The following DOCK1 variants were observed in gnomAD, a reference collection of about 807,000 sequenced individuals.
DOCK1 encodes dedicator of cytokinesis 1.
In DOCK1, 138 loss-of-function variants were observed where a neutral mutation model predicts 262.7. The ratio of observed to expected loss-of-function variants is 0.53; its 90% CI spans 0.46 to 0.61. The LOEUF (loss-of-function observed/expected upper bound fraction) is 0.61. DOCK1 is among the 20% of genes least tolerant of loss of function. DOCK1 has a pLI of 0.00. For missense variants in DOCK1, 1,908 were observed against 2,370.7 expected, an observed-to-expected ratio of 0.80 and a Z score of 4.05; for synonymous variants, 866 against 867.4, an observed-to-expected ratio of 1.00 and a Z score of 0.03.
chr10:127,296,798 TGTG>T (rs2061520501), intron 29 of DOCK1, among the ~76,000 whole-genome samples: 1 of 151,934 alleles, frequency 6.6e-6, no homozygotes, highest in South Asian at 2.1e-4. Flanking sequence ...TCTTCACAGT[TGTG>T]GGGGAGGCTT....
chr10:127,452,348 A>G lies in DOCK1; in HGVS notation c.*921A>G, dbSNP rs2071018437. On this transcript the variant is annotated 3_prime_UTR_variant, in exon 52 of 52. Coordinates refer to ENST00000623213, the MANE Select transcript of DOCK1 (RefSeq NM_001290223.2). ...CACACATTTTTTTTTTGAGAACTCC[A>G]AAGTCCTGAAAATTTTGGTGGACAA... is the stretch of plus-strand genomic sequence containing the variant. 1 of 152,542 alleles carries G rather than the reference A, an allele frequency of 6.6e-6. No homozygotes were observed. The highest frequency in any genetic ancestry group is 1.5e-5 in the Non-Finnish European group (1 of 68,008). 9.4% of individuals were successfully genotyped at this position (152,542 alleles called of 1,614,324 possible).
In DOCK1 at chr10:127,175,797, T is replaced by C. The variant is rs1381381407; in HGVS notation, c.2847+48033T>C. 27 of 1,614,088 alleles carry C rather than the reference T, an allele frequency of 1.7e-5. No homozygotes were observed. Among genetic ancestry groups the C allele is most frequent in the East Asian group, 2.2e-5 (1 of 44,850 alleles). Reference sequence around the variant, plus strand: ...CGCAGCTTCTCCATAGCTGAGCGGCTCCGGGCTTTTACAGGGCTCTGTGCA... The same window carrying C: ...CGCAGCTTCTCCATAGCTGAGCGGCCCCGGGCTTTTACAGGGCTCTGTGCA... On this transcript the variant is annotated intron_variant, in intron 27 of 51. Transcript: ENST00000623213. This position sits in a 1 kb window ranked among gnomAD's most constrained non-coding sequence, Gnocchi z 6.3.
At chr10:127,321,201 A>C (rs1232827494) in intron 29 of DOCK1, among the ~76,000 whole-genome samples, 72 of 122,832 alleles carry the variant, frequency 5.9e-4, no homozygotes, top group Middle Eastern at 4.7e-3. Flanking sequence ...CTCTCGCTCT[A>C]TCTCTCTCCC....
intron 27 of DOCK1, among the ~76,000 whole-genome samples, chr10:127,141,601 G>A (rs569615057): frequency 7.2e-5 from 11 of 152,218 alleles, no homozygotes; most frequent in African/African-American, 2.6e-4. Flanking sequence ...TACTCGGGAG[G>A]TGGAGGTTGC....
chr10:127,158,764 G>A lies in DOCK1; in HGVS notation c.2847+31000G>A, dbSNP rs573048294. Reference sequence around the variant, plus strand: ...GATAAGCATGTTCATTGTAGATATGGATTTTGTGGCATTCACTATGTATCG... The same window carrying A: ...GATAAGCATGTTCATTGTAGATATGAATTTTGTGGCATTCACTATGTATCG... On this transcript the variant is annotated intron_variant, in intron 27 of 51. Transcript: ENST00000623213. Among the ~76,000 whole-genome samples the A allele has an allele frequency of 8.5e-5, 13 of 152,310 alleles. No homozygotes were observed. The South Asian group carries it at 2.5e-3, about 29-fold the overall frequency.
intron 1 of DOCK1, among the ~76,000 whole-genome samples, chr10:126,944,408 G>C: frequency 6.6e-6 from 1 of 152,174 alleles, no homozygotes; most frequent in Non-Finnish European, 1.5e-5. Context: ...CCTTGCAAGC[G>C]GACCTGCCGA....
intron 48 of DOCK1, among the ~76,000 whole-genome samples, chr10:127,434,845 G>C (rs1004585936): frequency 4.6e-5 from 7 of 151,974 alleles, no homozygotes; most frequent in Non-Finnish European, 1.0e-4. Context: ...GTAGAGACGG[G>C]GTTTCACCAT....
At position 126,995,708 on chromosome 10, in the gene DOCK1, A is replaced by G. The variant is rs1248708698; in HGVS notation, c.474-1040A>G. On this transcript the variant is annotated intron_variant, in intron 6 of 51. Coordinates refer to ENST00000623213, the MANE Select transcript of DOCK1 (RefSeq NM_001290223.2). This position sits in a 1 kb window ranked among gnomAD's most constrained non-coding sequence, Gnocchi z 5.8. ...AGAGGGAGAGGGAGAATGTACTGTTATAGACTGGACAGATTTATTAGCCAG... is the reference window on the plus strand; with the variant it reads ...AGAGGGAGAGGGAGAATGTACTGTTGTAGACTGGACAGATTTATTAGCCAG... Among the ~76,000 whole-genome samples, 1 of 152,212 alleles carries G rather than the reference A, an allele frequency of 6.6e-6. No individual in the cohort carries two copies. The highest frequency in any genetic ancestry group is 1.9e-4 in the East Asian group (1 of 5,158).
chr10:127,408,037 A>T (rs998550963), intron 40 of DOCK1, among the ~76,000 whole-genome samples: 1 of 152,058 alleles, frequency 6.6e-6, no homozygotes, highest in Non-Finnish European at 1.5e-5. Flanking sequence ...CTCAGAACAC[A>T]CGTGTTGAAA....
At chr10:127,372,054 T>C (rs2065236168) in intron 33 of DOCK1, among the ~76,000 whole-genome samples, 1 of 152,158 alleles carries the variant, frequency 6.6e-6, no homozygotes, top group Admixed American at 6.5e-5. Flanking sequence ...AAGTGTTTAT[T>C]TGGGGGAGGA....
At position 127,316,380 on chromosome 10, in the gene DOCK1, C is replaced by T. The variant is rs148836390; in HGVS notation, c.3045-22626C>T. Among the ~76,000 whole-genome samples the T allele has an allele frequency of 1.3e-3, 195 of 152,142 alleles. 2 individuals carry two copies. The highest frequency in any genetic ancestry group is 0.012 in the Admixed American group (182 of 15,282). ...AGACTGATGCACTGTATCTATGTGA[C>T]GATAAAACTCCATCATATTAGTTAG... On this transcript the variant is annotated intron_variant, in intron 29 of 51. Transcript: ENST00000623213.
At chr10:126,931,095 C>T (rs1033086669) in intron 1 of DOCK1, among the ~76,000 whole-genome samples, 5 of 152,028 alleles carry the variant, frequency 3.3e-5, no homozygotes, top group Admixed American at 6.5e-5. Context: ...GCACGCCCAC[C>T]GAGCCAGGTC....
At chr10:127,397,385 C>A (rs2066947276) in intron 38 of DOCK1, among the ~76,000 whole-genome samples, 1 of 151,014 alleles carries the variant, frequency 6.6e-6, no homozygotes, top group African/African-American at 2.4e-5. Flanking sequence ...GGCAGTGTCT[C>A]CTATGTGATC....
intron 5 of DOCK1, among the ~76,000 whole-genome samples, chr10:126,989,938 C>G (rs1591552726): frequency 6.6e-6 from 1 of 152,234 alleles, no homozygotes; most frequent in East Asian, 1.9e-4. Context: ...AGCAGCCCGC[C>G]CAGGGTGGAA....
At chr10:126,931,684 T>C (rs973946095) in intron 1 of DOCK1, among the ~76,000 whole-genome samples, 2 of 152,196 alleles carry the variant, frequency 1.3e-5, no homozygotes, top group Non-Finnish European at 2.9e-5. Context: ...GAAGCCATTC[T>C]GAAGCGGGAG....
Position 127,381,216 on chromosome 10 carries a change from C to G in DOCK1, c.3717-62C>G, listed in dbSNP as rs548651686. The G allele has an allele frequency of 2.1e-6, 3 of 1,423,092 alleles. No individual in the cohort carries two copies. The Admixed American group carries it at 5.8e-5, about 28-fold the overall frequency. The allele number at this position is 1,423,092 out of a possible 1,614,324, so 88.2% of individuals were successfully genotyped here. On this transcript the variant is annotated intron_variant, in intron 36 of 51. Transcript: ENST00000623213. ...TGTTGAACATAGAATTTAGCTCTTG[C>G]AATCCTCAACACAAATTATTTAGTG...
At chr10:126,952,531 C>T (rs1197742508) in intron 1 of DOCK1, among the ~76,000 whole-genome samples, 8 of 123,710 alleles carry the variant, frequency 6.5e-5, no homozygotes, top group Admixed American at 1.6e-4. Flanking sequence ...CTTGGTAGTA[C>T]GGTTGGTGAT....
intron 1 of DOCK1, among the ~76,000 whole-genome samples, chr10:126,911,708 A>G (rs1052187614): frequency 6.6e-6 from 1 of 152,020 alleles, no homozygotes; most frequent in African/African-American, 2.4e-5. Flanking sequence ...TTAAGCAGCG[A>G]TGTTCTGGAT....
At chr10:126,906,099 C>A (rs912998477) in intron 1 of DOCK1, among the ~76,000 whole-genome samples, 2 of 152,140 alleles carry the variant, frequency 1.3e-5, no homozygotes, top group Non-Finnish European at 2.9e-5. Context: ...GTGGCCAGCG[C>A]CCCTTGCCCC....
Sources: gnomAD v4.1 joint callset for allele counts (sites outside exome capture counted in the v4.1 genomes callset) on GRCh38, gnomAD v4.1.1 for gene constraint, Gnocchi (gnomAD v3.1) non-coding constraint, MANE v1.5 for transcripts, NCBI Gene and HGNC (gene_info 2026-07-23, HGNC 2026-07-21) for gene names.